Variants in SIK3 observed in about 807,000 individuals in gnomAD.
SIK3 encodes the protein SIK family kinase 3.
A neutral mutation model predicts 144.2 loss-of-function variants in SIK3; 28 were observed. The observed-to-expected ratio is 0.19, with a 90% confidence interval of 0.14 to 0.27. SIK3 has a LOEUF of 0.27. Among genes scored for constraint, SIK3 ranks in the 10% least tolerant of loss-of-function variants. The pLI is 1.00. For missense variants in SIK3, 1,319 were observed against 1,776.0 expected, an observed-to-expected ratio of 0.74 and a Z score of 4.62; for synonymous variants, 686 against 676.3, an observed-to-expected ratio of 1.01 and a Z score of -0.22.
At chr11:116,848,837 C>T (rs1369484670) in intron 22 of SIK3, among the ~76,000 whole-genome samples, 3 of 152,282 alleles carry the variant, frequency 2.0e-5, no homozygotes, top group East Asian at 1.9e-4. Context: ...GTGGCAGGCA[C>T]CTGTAGTCCC....
chr11:117,063,089 G>T (rs1452968999), intron 1 of SIK3, among the ~76,000 whole-genome samples: 1 of 151,968 alleles, frequency 6.6e-6, no homozygotes, highest in East Asian at 1.9e-4. Flanking sequence ...TACTTAAAGG[G>T]GTTTCTTACT....
At chr11:117,013,745 T>C (rs1643309490) in intron 1 of SIK3, among the ~76,000 whole-genome samples, 1 of 151,354 alleles carries the variant, frequency 6.6e-6, no homozygotes, top group Non-Finnish European at 1.5e-5. Flanking sequence ...CTTATCAATC[T>C]GAGGAACCAA....
At chr11:116,934,582 G>A (rs2135200569) in intron 3 of SIK3, among the ~76,000 whole-genome samples, 1 of 152,262 alleles carries the variant, frequency 6.6e-6, no homozygotes, top group Non-Finnish European at 1.5e-5. Context: ...ATTATCACAG[G>A]ATATGCTTTA....
At chr11:116,866,989 C>T (rs1168372609) in intron 15 of SIK3, among the ~76,000 whole-genome samples, 1 of 152,142 alleles carries the variant, frequency 6.6e-6, no homozygotes, top group African/African-American at 2.4e-5. Flanking sequence ...TATGTTGATG[C>T]CAAATGGGTA....
rs148432250 is a variant in SIK3, at chr11:116,874,054, G to A, written c.1430C>T (p.Thr477Met). 1.4e-5 allele frequency: 23 copies of A among 1,613,326 alleles called. No homozygotes were observed. The highest frequency in any genetic ancestry group is 5.5e-5 in the South Asian group (5 of 90,920). Reference protein sequence around the residue: ...RHTVGVADPRTEVMEDLQKLL... With the variant: ...RHTVGVADPRMEVMEDLQKLL... The stretch of plus-strand genomic sequence containing the variant: ...CTTCTGCAGATCTTCCATAACTTCC[G>A]TGCTGATACAAAACAGAATGACAGA... Residue 477 changes from threonine to methionine, a missense_variant and splice_region_variant, in exon 12 of 25, where the codon ACG becomes ATG. Coordinates refer to ENST00000445177, the MANE Select transcript of SIK3 (RefSeq NM_001366686.3).
intron 6 of SIK3, among the ~76,000 whole-genome samples, chr11:116,888,944 C>T (rs900124445): frequency 1.2e-4 from 18 of 152,142 alleles, no homozygotes; most frequent in Admixed American, 2.0e-4. Flanking sequence ...AAGCCGGCTC[C>T]GGGAAGGGTT....
intron 1 of SIK3, among the ~76,000 whole-genome samples, chr11:116,994,633 C>T (rs1488703065): frequency 1.3e-5 from 2 of 152,116 alleles, no homozygotes; most frequent in Admixed American, 6.5e-5. Flanking sequence ...AATTAATCTC[C>T]TCATCTTGAC....
intron 3 of SIK3, among the ~76,000 whole-genome samples, chr11:116,940,986 T>G (rs1271192650): frequency 6.6e-6 from 1 of 151,668 alleles, no homozygotes; most frequent in Non-Finnish European, 1.5e-5. Flanking sequence ...ATAGCTAAGT[T>G]TTTGTTTGTT....
chr11:117,087,901 A>G (rs1955083918), intron 1 of SIK3, among the ~76,000 whole-genome samples: 1 of 152,200 alleles, frequency 6.6e-6, no homozygotes, highest in Non-Finnish European at 1.5e-5. Flanking sequence ...ATTATAAAAA[A>G]GATTCAAAAA....
intron 4 of SIK3, among the ~76,000 whole-genome samples, chr11:116,902,722 A>G (rs1945805161): frequency 1.3e-5 from 2 of 152,224 alleles, no homozygotes; most frequent in Admixed American, 6.5e-5. Context: ...GAGGTCTTCT[A>G]TAATCATTCC....
intron 1 of SIK3, among the ~76,000 whole-genome samples, chr11:117,083,074 A>C (rs1954857653): frequency 6.6e-6 from 1 of 152,234 alleles, no homozygotes; most frequent in Admixed American, 6.5e-5. Context: ...ATGTGACTCC[A>C]AAATGGATGC....
At chr11:116,896,183 T>C (rs10892044) in intron 6 of SIK3, 70 bp downstream of exon 6, 232,500 of 1,585,922 alleles carry the variant, frequency 0.15, 17,944 homozygotes, top group Admixed American at 0.21. Context: ...CATCACTAAA[T>C]TCCTGGGATA....
intron 1 of SIK3, among the ~76,000 whole-genome samples, chr11:116,958,608 G>A: frequency 6.6e-6 from 1 of 150,938 alleles, no homozygotes; most frequent in South Asian, 2.1e-4. Context: ...GATGGTGAAT[G>A]ACCTTCACCT....
At chr11:117,096,488 G>T (rs1340018119) in intron 1 of SIK3, among the ~76,000 whole-genome samples, 1 of 152,234 alleles carries the variant, frequency 6.6e-6, no homozygotes, top group Non-Finnish European at 1.5e-5. Context: ...GAAACACGGT[G>T]AGGGGCTGGG....
chr11:116,931,356 C>T (rs1947593845), intron 3 of SIK3, among the ~76,000 whole-genome samples: 1 of 152,216 alleles, frequency 6.6e-6, no homozygotes, highest in African/African-American at 2.4e-5. Flanking sequence ...CAAAAATACA[C>T]AGAAGCCAGT....
rs1565349313 is a variant in SIK3 at position 116,846,527 on chromosome 11, C to T, written c.3979G>A (p.Glu1327Lys). Residue 1327 changes from glutamate to lysine, a missense_variant, in exon 24 of 25, where the codon GAG (glutamate) becomes AAG (lysine). Physicochemically the swap from Glu to Lys is moderately conservative, Grantham distance 56 (BLOSUM62 1). This residue lies in a region of SIK3 where 646 missense variants were observed against 763.7 expected (regional missense o/e 0.85). Coordinates refer to ENST00000445177, the MANE Select transcript of SIK3 (RefSeq NM_001366686.3). The surrounding 1 kb of genome is among the most constrained non-coding windows in gnomAD (Gnocchi z 4.1). ...CTGCCATCACTCAGGTCTGGGTGCT[C>T]ATGACCTCCCAGGCTTGCCCCACAT... ...EECGASLGGH[E>K]HPDLSDGSQH... is the part of the protein sequence containing the mutation. The T allele has an allele frequency of 1.9e-6, 3 of 1,614,002 alleles. No individual in the cohort carries two copies. Among genetic ancestry groups the T allele is most frequent in the South Asian group, 2.2e-5 (2 of 91,070 alleles).
chr11:116,919,532 G>A (rs1328681823), intron 4 of SIK3, among the ~76,000 whole-genome samples: 1 of 151,996 alleles, frequency 6.6e-6, no homozygotes, highest in Non-Finnish European at 1.5e-5. Flanking sequence ...ACTTCCTTAG[G>A]TTTAAAAAAA....
chr11:117,097,823 C>T (rs879803242), intron 1 of SIK3, among the ~76,000 whole-genome samples: 4 of 152,224 alleles, frequency 2.6e-5, no homozygotes, highest in Non-Finnish European at 5.9e-5. Context: ...TACAGTCTCC[C>T]GGCCCTCGGG....
intron 3 of SIK3, among the ~76,000 whole-genome samples, chr11:116,953,593 G>T (rs888900920): frequency 5.9e-5 from 9 of 152,200 alleles, no homozygotes; most frequent in Non-Finnish European, 2.9e-5. Context: ...TGAACACATG[G>T]TAAATAATAT....
Sources: allele counts gnomAD v4.1 joint callset (sites outside exome capture counted in the v4.1 genomes callset), GRCh38; gene constraint gnomAD v4.1.1; regional missense constraint gnomAD v4.1.1; non-coding constraint Gnocchi (gnomAD v3.1); transcripts MANE v1.5; gene names NCBI Gene and HGNC (gene_info 2026-07-23, HGNC 2026-07-21).